POU6F2: variants seen among roughly 807,000 people sequenced by gnomAD.
The protein encoded by POU6F2 is POU domain, class 6, transcription factor 2.
In POU6F2, 31 loss-of-function variants were observed where a neutral mutation model predicts 71.3. The observed-to-expected ratio is 0.43, with a 90% confidence interval of 0.33 to 0.59. The LOEUF (loss-of-function observed/expected upper bound fraction) is 0.59, where lower values mean the gene tolerates loss of function less well. Among genes scored for constraint, POU6F2 ranks in the 20% least tolerant of loss-of-function variants. The pLI is 0.04. For missense variants in POU6F2, 783 were observed against 856.8 expected (o/e 0.91, Z 1.07); for synonymous variants, 347 against 355.7 (o/e 0.98, Z 0.27).
intron 4 of POU6F2, among the ~76,000 whole-genome samples, chr7:39,222,822 A>G (rs1053702828): frequency 6.6e-6 from 1 of 152,182 alleles, no homozygotes; most frequent in Non-Finnish European, 1.5e-5. Flanking sequence ...TGTTTCCACT[A>G]TTTGACTATT....
chr7:39,166,097 T>C (rs372480596), intron 2 of POU6F2, among the ~76,000 whole-genome samples: 1 of 152,242 alleles, frequency 6.6e-6, no homozygotes, highest in South Asian at 2.1e-4. Context: ...GTATCCTATG[T>C]CTTGACATTT....
intron 4 of POU6F2, among the ~76,000 whole-genome samples, chr7:39,209,200 A>G (rs1794091050): frequency 1.3e-5 from 2 of 152,138 alleles, no homozygotes; most frequent in Admixed American, 6.5e-5. Flanking sequence ...TGTTTGTTGT[A>G]AATATCAAAG....
intron 2 of POU6F2, among the ~76,000 whole-genome samples, chr7:39,100,799 T>G (rs1791553444): frequency 6.6e-6 from 1 of 152,160 alleles, no homozygotes; most frequent in Non-Finnish European, 1.5e-5. Flanking sequence ...TCTGTGGTTT[T>G]GTCATTGGGT....
chr7:39,080,245 C>T (rs930959126), intron 1 of POU6F2, among the ~76,000 whole-genome samples: 2 of 152,120 alleles, frequency 1.3e-5, no homozygotes, highest in Admixed American at 6.5e-5. Flanking sequence ...AAGAGCTAAA[C>T]TAATTAATAA....
At chr7:39,024,799 G>T (rs58239042) in intron 1 of POU6F2, among the ~76,000 whole-genome samples, 3,638 of 152,032 alleles carry the variant, frequency 0.024, 147 homozygotes, top group African/African-American at 0.084. Flanking sequence ...TTATATGCTG[G>T]ATTACATTTA....
At chr7:38,998,885 C>T (rs1045227717) in intron 1 of POU6F2, among the ~76,000 whole-genome samples, 2 of 146,240 alleles carry the variant, frequency 1.4e-5, no homozygotes, top group Admixed American at 1.4e-4. Flanking sequence ...AGGATGGTCT[C>T]GATCTCCTAA....
At chr7:39,251,703 C>A (rs896396161) in intron 4 of POU6F2, among the ~76,000 whole-genome samples, 1 of 152,186 alleles carries the variant, frequency 6.6e-6, no homozygotes, top group Non-Finnish European at 1.5e-5. Context: ...GTAGCAAATG[C>A]AGTCTGAACT....
chr7:39,184,023 C>A (rs1483499767), intron 2 of POU6F2, among the ~76,000 whole-genome samples: 1 of 152,176 alleles, frequency 6.6e-6, no homozygotes, highest in African/African-American at 2.4e-5. Context: ...CTGCATTCCC[C>A]ATTAAGTCTT....
intron 1 of POU6F2, among the ~76,000 whole-genome samples, chr7:38,982,969 A>G (rs1788361174): frequency 1.3e-5 from 2 of 152,130 alleles, no homozygotes; most frequent in Middle Eastern, 3.4e-3. Context: ...TGCTATGTAA[A>G]CTGCATATTA....
chr7:39,119,274 G>T (rs1007768645), intron 2 of POU6F2, among the ~76,000 whole-genome samples: 1 of 152,172 alleles, frequency 6.6e-6, no homozygotes, highest in Non-Finnish European at 1.5e-5. Context: ...AGGGCAATTG[G>T]CAAAGAGTTT....
chr7:38,982,154 G>A, intron 1 of POU6F2, among the ~76,000 whole-genome samples: 1 of 151,824 alleles, frequency 6.6e-6, no homozygotes, highest in East Asian at 1.9e-4. Flanking sequence ...TGAAACACTG[G>A]GGCTAACCTA....
intron 2 of POU6F2, among the ~76,000 whole-genome samples, chr7:39,155,859 T>C (rs1792857953): frequency 6.6e-6 from 1 of 152,172 alleles, no homozygotes; most frequent in East Asian, 1.9e-4. Context: ...AATGTGTAAA[T>C]AGCCATATGG....
At chr7:39,314,774 A>G (rs1198183898) in intron 4 of POU6F2, among the ~76,000 whole-genome samples, 2 of 152,262 alleles carry the variant, frequency 1.3e-5, no homozygotes, top group Non-Finnish European at 2.9e-5. Context: ...AAGGCATTAA[A>G]GAGATCTAAA....
intron 4 of POU6F2, 105 bp downstream of exon 4, chr7:39,207,725 T>C: frequency 4.5e-6 from 5 of 1,109,416 alleles, no homozygotes; most frequent in Non-Finnish European, 6.4e-6. Flanking sequence ...TGGTTCAGAG[T>C]TGCTTCTGCC....
chr7:38,989,557 C>T (rs1389784302), intron 1 of POU6F2, among the ~76,000 whole-genome samples: 1 of 151,970 alleles, frequency 6.6e-6, no homozygotes, highest in Non-Finnish European at 1.5e-5. Flanking sequence ...CAATTTGCTT[C>T]ACTTTGTTTC....
chr7:38,978,962 T>C (rs1788246269), intron 1 of POU6F2, among the ~76,000 whole-genome samples: 1 of 152,164 alleles, frequency 6.6e-6, no homozygotes, highest in Non-Finnish European at 1.5e-5. Context: ...AAAAGGATCA[T>C]TGTATTTTCA....
At chr7:39,405,381 A>G (rs1370922280) in intron 5 of POU6F2, among the ~76,000 whole-genome samples, 1 of 152,174 alleles carries the variant, frequency 6.6e-6, no homozygotes, top group African/African-American at 2.4e-5. Flanking sequence ...AAGAAAGGAA[A>G]GTTTTAAAAG....
At chr7:39,379,319 A>C (rs1786777267) in intron 5 of POU6F2, among the ~76,000 whole-genome samples, 1 of 152,168 alleles carries the variant, frequency 6.6e-6, no homozygotes, top group African/African-American at 2.4e-5. Context: ...AAGATATTTT[A>C]CTATATTACT....
At chr7:39,109,281 C>T (rs1013398174) in intron 2 of POU6F2, among the ~76,000 whole-genome samples, 1 of 152,184 alleles carries the variant, frequency 6.6e-6, no homozygotes, top group African/African-American at 2.4e-5. Flanking sequence ...AGCAAACTTC[C>T]AACCTCAGCC....
Sources: allele counts gnomAD v4.1 joint callset (sites outside exome capture counted in the v4.1 genomes callset), GRCh38; gene constraint gnomAD v4.1.1; transcripts MANE v1.5; gene names NCBI Gene and HGNC (gene_info 2026-07-23, HGNC 2026-07-21).